Variants in GALNTL6 observed in about 807,000 individuals in gnomAD.
GALNTL6 encodes polypeptide N-acetylgalactosaminyltransferase like 6, also known as polypeptide N-acetylgalactosaminyltransferase-like 6.
GALNTL6 carries 46 observed loss-of-function variants against 73.7 expected under a neutral mutation model. The ratio of observed to expected loss-of-function variants is 0.62; its 90% CI spans 0.49 to 0.80. The LOEUF (loss-of-function observed/expected upper bound fraction) is 0.80. Among genes scored for constraint, GALNTL6 ranks in the 30% least tolerant of loss-of-function variants. The pLI, the probability that GALNTL6 is intolerant of heterozygous loss-of-function variation, is 0.00. For synonymous variants in GALNTL6, 259 were observed against 263.7 expected, an observed-to-expected ratio of 0.98 and a Z score of 0.17; for missense variants, 604 against 755.0, an observed-to-expected ratio of 0.80 and a Z score of 2.34.
At chr4:171,964,987 A>G (rs1739345120) in intron 2 of GALNTL6, among the ~76,000 whole-genome samples, 1 of 152,238 alleles carries the variant, frequency 6.6e-6, no homozygotes, top group Non-Finnish European at 1.5e-5. Context: ...TTGTGACTAC[A>G]TCACAGTCCT....
chr4:172,048,955 G>C (rs116152599), intron 2 of GALNTL6, among the ~76,000 whole-genome samples: 3,662 of 152,152 alleles, frequency 0.024, 156 homozygotes, highest in African/African-American at 0.079. Flanking sequence ...TAGAATGATA[G>C]TTTATAATAG....
At chr4:172,821,609 C>A (rs1465714122) in intron 7 of GALNTL6, among the ~76,000 whole-genome samples, 1 of 152,162 alleles carries the variant, frequency 6.6e-6, no homozygotes, top group Non-Finnish European at 1.5e-5. Context: ...ACAATGCCAG[C>A]TTCTGGTCTG....
intron 11 of GALNTL6, among the ~76,000 whole-genome samples, chr4:173,013,952 C>T (rs1199138429): frequency 2.0e-5 from 3 of 151,744 alleles, no homozygotes; most frequent in Non-Finnish European, 4.4e-5. Flanking sequence ...GAAGGCATAT[C>T]GGAACATGAC....
chr4:172,302,493 A>G (rs981805108), intron 3 of GALNTL6, among the ~76,000 whole-genome samples: 3 of 152,096 alleles, frequency 2.0e-5, no homozygotes, highest in Non-Finnish European at 4.4e-5. Context: ...AGCTGTTCCT[A>G]TTAGGCCATC....
At chr4:172,081,876 C>CT (rs201769212) in intron 2 of GALNTL6, among the ~76,000 whole-genome samples, 65,265 of 143,948 alleles carry the variant, frequency 0.45, 14,905 homozygotes, top group Admixed American at 0.49. Flanking sequence ...TTATTTATTC[C>CT]TTTTTTTTTT....
intron 2 of GALNTL6, among the ~76,000 whole-genome samples, chr4:172,025,363 C>T (rs1056091963): frequency 6.6e-6 from 1 of 151,922 alleles, no homozygotes; most frequent in African/African-American, 2.4e-5. Context: ...TTCCTTTGAA[C>T]TTTTCAGAAG....
At chr4:173,033,885 G>T (rs775459800) in intron 12 of GALNTL6, among the ~76,000 whole-genome samples, 177 of 152,168 alleles carry the variant, frequency 1.2e-3, no homozygotes, top group Non-Finnish European at 2.4e-3. Flanking sequence ...GGGGTAACTC[G>T]AGTCTCCCAA....
At chr4:173,005,700 G>A (rs1752247809) in intron 10 of GALNTL6, among the ~76,000 whole-genome samples, 1 of 152,126 alleles carries the variant, frequency 6.6e-6, no homozygotes, top group Admixed American at 6.5e-5. Context: ...GGGAATGGCT[G>A]GATACTAATC....
intron 2 of GALNTL6, among the ~76,000 whole-genome samples, chr4:172,166,823 G>C (rs1274265136): frequency 6.6e-6 from 1 of 152,136 alleles, no homozygotes; most frequent in Admixed American, 6.6e-5. Flanking sequence ...CATTTGAATA[G>C]AAATAAGGTG....
At chr4:172,674,803 A>G (rs572807227) in intron 5 of GALNTL6, among the ~76,000 whole-genome samples, 1 of 152,224 alleles carries the variant, frequency 6.6e-6, no homozygotes, top group South Asian at 2.1e-4. Context: ...TTGATGTAGT[A>G]TGTTTTTCAG....
chr4:171,941,009 T>G (rs1353911797), intron 2 of GALNTL6, among the ~76,000 whole-genome samples: 1 of 151,734 alleles, frequency 6.6e-6, no homozygotes, highest in Non-Finnish European at 1.5e-5. Flanking sequence ...ATAAAAAAAT[T>G]TAAAAGTCAG....
In GALNTL6 at chr4:172,337,295, G is replaced by A. The variant is rs181368729; in HGVS notation, c.387-11228G>A. On this transcript the variant is annotated intron_variant, in intron 4 of 12. Coordinates refer to ENST00000506823, the MANE Select transcript of GALNTL6 (RefSeq NM_001034845.3). ...TACACCATGTACATTCAAGGTTAAT[G>A]ATGATATGTGAGGTTTTAATTCTAT... Among the ~76,000 whole-genome samples the A allele has an allele frequency of 8.1e-4, 123 of 152,156 alleles. 2 individuals carry two copies. The South Asian group carries it at 0.016, about 19-fold the overall frequency.
chr4:172,545,209 T>C (rs1357212389), intron 5 of GALNTL6, among the ~76,000 whole-genome samples: 1 of 151,678 alleles, frequency 6.6e-6, no homozygotes, highest in Non-Finnish European at 1.5e-5. Context: ...GGTGGGGGGG[T>C]AACTAAGGCC....
rs140916371 is a variant in GALNTL6 at position 172,839,857 on chromosome 4, G to C, written c.923+26134G>C. 3.3e-5 allele frequency among the ~76,000 whole-genome samples: 5 copies of C among 152,264 alleles called. No individual in the cohort carries two copies. The East Asian group carries it at 9.6e-4, about 29-fold the overall frequency. ...TTGGCAAGTGGCACAAGATCCTTTTGAATGAAACCTGAAAAGCAAAGATTC... is the reference window on the plus strand; with the variant it reads ...TTGGCAAGTGGCACAAGATCCTTTTCAATGAAACCTGAAAAGCAAAGATTC... On this transcript the variant is annotated intron_variant, in intron 7 of 12. Transcript: ENST00000506823.
At chr4:172,475,243 A>G (rs1026447653) in intron 5 of GALNTL6, among the ~76,000 whole-genome samples, 4 of 152,226 alleles carry the variant, frequency 2.6e-5, no homozygotes, top group East Asian at 3.8e-4. Context: ...CCACCAGGTC[A>G]CTTTTCAATA....
chr4:172,744,560 A>C (rs1169631006), intron 5 of GALNTL6, among the ~76,000 whole-genome samples: 1 of 152,152 alleles, frequency 6.6e-6, no homozygotes, highest in Non-Finnish European at 1.5e-5. Context: ...AAGATTTTCT[A>C]TAAATAAAGT....
chr4:172,572,603 G>A (rs1457224177), intron 5 of GALNTL6, among the ~76,000 whole-genome samples: 1 of 152,082 alleles, frequency 6.6e-6, no homozygotes, highest in African/African-American at 2.4e-5. Flanking sequence ...AGTCTTCTCA[G>A]TCTCTTCATT....
chr4:171,856,238 G>A (rs1381963037), intron 2 of GALNTL6, among the ~76,000 whole-genome samples: 1 of 151,322 alleles, frequency 6.6e-6, no homozygotes, highest in Non-Finnish European at 1.5e-5. Flanking sequence ...GAATAGCTGG[G>A]GTTACAGGTG....
chr4:171,838,349 C>T (rs560496694), intron 2 of GALNTL6, among the ~76,000 whole-genome samples: 9 of 152,014 alleles, frequency 5.9e-5, no homozygotes, highest in Admixed American at 5.2e-4. Context: ...TCTTGAACTC[C>T]GGACCTCAGG....
Sources: gnomAD v4.1 joint callset for allele counts (sites outside exome capture counted in the v4.1 genomes callset) on GRCh38, gnomAD v4.1.1 for gene constraint, MANE v1.5 for transcripts, NCBI Gene and HGNC (gene_info 2026-07-23, HGNC 2026-07-21) for gene names.